The following ASPM variants were observed in gnomAD, a reference collection of about 807,000 sequenced individuals.
The protein encoded by ASPM is abnormal spindle-like microcephaly-associated protein.
Under a neutral mutation model 366.4 loss-of-function variants are expected in ASPM, and 256 were observed. The ratio of observed to expected loss-of-function variants is 0.70; its 90% CI spans 0.63 to 0.77. The LOEUF (loss-of-function observed/expected upper bound fraction) is 0.77. Among genes scored for constraint, ASPM ranks in the 30% least tolerant of loss-of-function variants. The probability of loss-of-function intolerance (pLI) is 0.00; values close to 1 mark genes in which losing one functional copy is unlikely to be tolerated. For missense variants in ASPM, 4,146 were observed against 4,090.4 expected (o/e 1.01, Z -0.37); for synonymous variants, 1,414 against 1,342.9 (o/e 1.05, Z -1.16).
chr1:197,104,166 A>T lies in ASPM; in HGVS notation c.5085T>A (p.Arg1695=). Reference sequence around the variant, plus strand: ...CTGCTCTTAAATGCAAATATTGTTTACGTGTTTGTTTCATCTTAACAGTTG... The same window carrying T: ...CTGCTCTTAAATGCAAATATTGTTTTCGTGTTTGTTTCATCTTAACAGTTG... ...LQSTVKMKQT[R]KQYLHLRAAA... The change falls in exon 18 of 28, where the codon CGT becomes CGA. Residue 1695 remains arginine (R), a synonymous_variant. Transcript: ENST00000367409. 6.2e-7 allele frequency: 1 copy of T among 1,612,782 alleles called. No homozygotes were observed. The highest frequency in any genetic ancestry group is 8.5e-7 in the Non-Finnish European group (1 of 1,179,336).
At chr1:197,106,668 C>G (rs1212528447) in intron 17 of ASPM, among the ~76,000 whole-genome samples, 3 of 152,018 alleles carry the variant, frequency 2.0e-5, no homozygotes, top group African/African-American at 7.2e-5. Context: ...ATTACAATAG[C>G]AATTTTTTCA....
intron 27 of ASPM, among the ~76,000 whole-genome samples, chr1:197,085,382 G>T (rs954801543): frequency 1.3e-5 from 2 of 152,046 alleles, no homozygotes; most frequent in African/African-American, 4.8e-5. Context: ...CTGAGTTGTT[G>T]AGTTTATAAT....
intron 12 of ASPM, 52 bp downstream of exon 12, chr1:197,124,818 A>T: frequency 1.5e-6 from 2 of 1,371,020 alleles, no homozygotes; most frequent in Non-Finnish European, 2.1e-6. Context: ...TGTTTTTATA[A>T]ATCAGTAATC....
At position 197,143,435 on chromosome 1, in the gene ASPM, C is replaced by G. The variant is rs1207607899; in HGVS notation, c.817G>C (p.Glu273Gln). 2 of 1,613,896 alleles carry G rather than the reference C, an allele frequency of 1.2e-6. No individual in the cohort carries two copies. Residue 273 changes from glutamate to glutamine, a missense_variant, in exon 3 of 28, where the codon GAG becomes CAG. Transcript: ENST00000367409. ...SANVSKVSFNEKAVTETSFNS... is the reference protein window; with the variant it reads ...SANVSKVSFNQKAVTETSFNS... Reference sequence around the variant, plus strand: ...AAGGAAGTTTCAGTTACAGCTTTCTCATTAAAAGAAACTTTTGAAACGTTG... The same window carrying G: ...AAGGAAGTTTCAGTTACAGCTTTCTGATTAAAAGAAACTTTTGAAACGTTG...
Position 197,102,264 on chromosome 1 carries a change from T to C in ASPM, c.6987A>G (p.Lys2329=). The C allele has an allele frequency of 6.2e-7, 1 of 1,612,904 alleles. No individual in the cohort carries two copies. Among genetic ancestry groups the C allele is most frequent in the South Asian group, 1.1e-5 (1 of 91,058 alleles). Residue 2329 remains lysine, a synonymous_variant, in exon 18 of 28, where the codon AAA becomes AAG. Transcript: ENST00000367409. ...QSSYRRWMIR[K]RMREMHRAAT... ...CAGCCCTGTGCATCTCTCGCATCCT[T>C]TTCCTTATCATCCATCTTCTGTATG... is the stretch of plus-strand genomic sequence containing the variant.
rs1040754113 is a variant in ASPM at position 197,093,402 on chromosome 1, G to A, written c.9085-141C>T. On this transcript the variant is annotated intron_variant, in intron 20 of 27. Transcript: ENST00000367409. ...ATGCCATGTTTCATAGATATGAAATGATGATGAAGCATTATTTCTAAACTC... is the reference window on the plus strand; with the variant it reads ...ATGCCATGTTTCATAGATATGAAATAATGATGAAGCATTATTTCTAAACTC... The A allele has an allele frequency of 1.9e-5, 15 of 788,186 alleles. No individual in the cohort carries two copies. In the African/African-American group the frequency reaches 1.9e-4, roughly 10 times the overall value. The allele number at this position is 788,186 out of a possible 1,614,324, so 48.8% of individuals were successfully genotyped here.
At position 197,104,973 on chromosome 1, in the gene ASPM, T is replaced by A; in HGVS notation, c.4278A>T (p.Ile1426=). The A allele has an allele frequency of 6.2e-7, 1 of 1,611,980 alleles. No homozygotes were observed. Among genetic ancestry groups the A allele is most frequent in the Non-Finnish European group, 8.5e-7 (1 of 1,178,970 alleles). Reference sequence around the variant, plus strand: ...TCCATTTTCTGAACATAGATTGGATTATAAGAGTTGATGATTTTAGCATTT... The same window carrying A: ...TCCATTTTCTGAACATAGATTGGATAATAAGAGTTGATGATTTTAGCATTT... ...RYEMLKSSTL[I]IQSMFRKWKQ... is the part of the protein sequence containing the mutation. The change falls in exon 18 of 28, where the codon ATA becomes ATT. Residue 1426 remains isoleucine, a synonymous_variant. Transcript: ENST00000367409.
At chr1:197,115,421 T>C (rs1175377358) in intron 17 of ASPM, among the ~76,000 whole-genome samples, 1 of 152,216 alleles carries the variant, frequency 6.6e-6, no homozygotes, top group Non-Finnish European at 1.5e-5. Flanking sequence ...CTCCTGTTAA[T>C]GTTGATATTT....
chr1:197,136,695 G>A (rs1014387487), intron 4 of ASPM, among the ~76,000 whole-genome samples: 2 of 151,894 alleles, frequency 1.3e-5, no homozygotes, highest in African/African-American at 4.8e-5. Flanking sequence ...ATCAACTAAA[G>A]ATAAAAGAAG....
intron 18 of ASPM, among the ~76,000 whole-genome samples, chr1:197,098,844 A>G (rs1657064742): frequency 6.6e-6 from 1 of 151,514 alleles, no homozygotes; most frequent in African/African-American, 2.4e-5. Flanking sequence ...TACAAATCAA[A>G]TTCTAATACT....
intron 27 of ASPM, among the ~76,000 whole-genome samples, chr1:197,086,056 AC>A: frequency 6.6e-6 from 1 of 152,310 alleles, no homozygotes. Context: ...AATGAACTTT[AC>A]ATTATGCTGT....
Position 197,139,279 on chromosome 1 carries a change from T to A in ASPM, c.2026+488A>T, listed in dbSNP as rs1254885160. ...TTACCAACTTTCACTTCATCCATAC[T>A]CCCTACCACAGCAAAGGATAACAGC... On this transcript the variant is annotated intron_variant, in intron 4 of 27. Transcript: ENST00000367409. 4.4e-6 allele frequency: 4 copies of A among 913,064 alleles called. No individual in the cohort carries two copies. In the East Asian group the frequency reaches 9.7e-5, roughly 22 times the overall value. 56.6% of individuals were successfully genotyped at this position (913,064 alleles called of 1,614,324 possible).
Position 197,100,842 on chromosome 1 carries a change from A to C in ASPM, c.8409T>G (p.Leu2803=). 6.2e-7 allele frequency: 1 copy of C among 1,612,654 alleles called. No homozygotes were observed. Among genetic ancestry groups the C allele is most frequent in the Non-Finnish European group, 8.5e-7 (1 of 1,179,118 alleles). Reference sequence around the variant, plus strand: ...GATACTCTGCTTCCTGTGAACAAGCAAGGCCAGAAGCTTTATACCACTCTT... The same window carrying C: ...GATACTCTGCTTCCTGTGAACAAGCCAGGCCAGAAGCTTTATACCACTCTT... ...MIQEWYKASG[L]ACSQEAEYHS... is the part of the protein sequence containing the mutation. Residue 2803 remains leucine, a synonymous_variant, in exon 18 of 28, where the codon CTT becomes CTG. Transcript: ENST00000367409.
chr1:197,085,565 T>C (rs1439996259), intron 27 of ASPM, among the ~76,000 whole-genome samples: 1 of 152,080 alleles, frequency 6.6e-6, no homozygotes, highest in Non-Finnish European at 1.5e-5. Context: ...TAGTACTAAG[T>C]GATAGAAAGG....
intron 3 of ASPM, 93 bp downstream of exon 3, chr1:197,142,238 A>G (rs1225355670): frequency 4.4e-6 from 6 of 1,353,114 alleles, no homozygotes; most frequent in East Asian, 2.3e-5. Flanking sequence ...AGTAAAAACT[A>G]TAATACAAGC....
intron 19 of ASPM, 25 bp from the exon 20 acceptor site, chr1:197,094,205 A>T (rs766907669): frequency 7.0e-7 from 1 of 1,427,702 alleles, no homozygotes; most frequent in Admixed American, 1.7e-5. Flanking sequence ...TTGGAAAGCA[A>T]TGTCAAATTA....
At chr1:197,092,110 T>C in intron 21 of ASPM, 54 bp from the exon 22 acceptor site, 3 of 1,585,692 alleles carry the variant, frequency 1.9e-6, no homozygotes, top group South Asian at 2.2e-5. Flanking sequence ...AGTTAATCAA[T>C]GAGTGTTTTT....
intron 3 of ASPM, among the ~76,000 whole-genome samples, chr1:197,140,965 A>C (rs993512276): frequency 2.6e-5 from 4 of 152,334 alleles, no homozygotes; most frequent in Middle Eastern, 6.8e-3. Context: ...GTGGCTATCA[A>C]AGAAAATGCA....
chr1:197,145,845 A>AATATATATATATATATATAT (rs71131744), intron 1 of ASPM, among the ~76,000 whole-genome samples: 345 of 147,616 alleles, frequency 2.3e-3, no homozygotes, highest in African/African-American at 8.5e-3. Flanking sequence ...TCAATTAGAG[A>AATATATATATATATATATAT]ATATATATAT....
Sources: gnomAD v4.1 joint callset for allele counts (sites outside exome capture counted in the v4.1 genomes callset) on GRCh38, gnomAD v4.1.1 for gene constraint, MANE v1.5 for transcripts, NCBI Gene and HGNC (gene_info 2026-07-23, HGNC 2026-07-21) for gene names.